The following COL4A1 variants were observed in gnomAD, a reference collection of about 807,000 sequenced individuals.
The protein encoded by COL4A1 is collagen alpha-1(IV) chain.
A neutral mutation model predicts 216.6 loss-of-function variants in COL4A1; 40 were observed. That is an observed-to-expected ratio of 0.18 (90% CI 0.14 to 0.24). The LOEUF (loss-of-function observed/expected upper bound fraction) is 0.24, where lower values mean the gene tolerates loss of function less well. COL4A1 is among the 10% of genes least tolerant of loss of function. The probability of loss-of-function intolerance (pLI) is 1.00; values close to 1 mark genes in which losing one functional copy is unlikely to be tolerated. For synonymous variants in COL4A1, 839 were observed against 810.7 expected, an observed-to-expected ratio of 1.03 and a Z score of -0.59; for missense variants, 1,628 against 2,196.8, an observed-to-expected ratio of 0.74 and a Z score of 5.18.
chr13:110,219,934 ATG>A (rs1191138724), intron 2 of COL4A1, among the ~76,000 whole-genome samples: 1 of 109,872 alleles, frequency 9.1e-6, no homozygotes. Flanking sequence ...ATGTATGTAT[ATG>A]TGTGTGTATA....
chr13:110,248,762 G>A (rs1305339443), intron 1 of COL4A1, among the ~76,000 whole-genome samples: 1 of 152,084 alleles, frequency 6.6e-6, no homozygotes, highest in African/African-American at 2.4e-5. Flanking sequence ...CAAAACGCTG[G>A]GATTACAGGT....
At chr13:110,222,443 A>T (rs1272466304) in intron 2 of COL4A1, among the ~76,000 whole-genome samples, 1 of 152,080 alleles carries the variant, frequency 6.6e-6, no homozygotes, top group Non-Finnish European at 1.5e-5. Context: ...ATTTTCCCCC[A>T]AATAAACTAA....
chr13:110,190,179 G>C (rs1046467148), intron 24 of COL4A1, among the ~76,000 whole-genome samples: 4 of 151,884 alleles, frequency 2.6e-5, no homozygotes, highest in Non-Finnish European at 5.9e-5. Context: ...TTAAAACAGT[G>C]ACATTGGTGA....
At chr13:110,170,805 A>G (rs1877606495) in intron 41 of COL4A1, 73 bp from the exon 42 acceptor site, 3 of 1,528,618 alleles carry the variant, frequency 2.0e-6, no homozygotes, top group South Asian at 2.3e-5. Flanking sequence ...TGGACGGCAG[A>G]GATGGGATGA....
At chr13:110,263,540 A>G (rs1044081451) in intron 1 of COL4A1, among the ~76,000 whole-genome samples, 2 of 152,138 alleles carry the variant, frequency 1.3e-5, no homozygotes, top group African/African-American at 2.4e-5. Context: ...TGCAACCTCA[A>G]ACTCCTGGAC....
intron 2 of COL4A1, among the ~76,000 whole-genome samples, chr13:110,229,126 G>T (rs578105276): frequency 6.6e-6 from 1 of 152,312 alleles, no homozygotes; most frequent in African/African-American, 2.4e-5. Flanking sequence ...CGAAAACATA[G>T]CTGACACTGA....
At chr13:110,175,182 G>A (rs367903218) in intron 37 of COL4A1, 36 bp downstream of exon 37, 9 of 1,613,294 alleles carry the variant, frequency 5.6e-6, no homozygotes, top group South Asian at 3.3e-5. Context: ...CACTGAGCTG[G>A]GAGAAGGGGA....
intron 1 of COL4A1, among the ~76,000 whole-genome samples, chr13:110,287,994 C>A (rs996361519): frequency 6.6e-6 from 1 of 151,112 alleles, no homozygotes; most frequent in Non-Finnish European, 1.5e-5. Flanking sequence ...CGGTGGCTCA[C>A]GCCTGTAATC....
intron 29 of COL4A1, 130 bp from the exon 30 acceptor site, chr13:110,179,551 T>C (rs1381120702): frequency 2.2e-6 from 3 of 1,340,168 alleles, no homozygotes; most frequent in Admixed American, 1.9e-5. Context: ...TGCTCAACCC[T>C]TTTCAAGCGT....
At chr13:110,278,660 T>A (rs944301977) in intron 1 of COL4A1, among the ~76,000 whole-genome samples, 6 of 152,206 alleles carry the variant, frequency 3.9e-5, no homozygotes, top group African/African-American at 1.4e-4. Flanking sequence ...AGTAAATGCT[T>A]AACAAATATG....
rs750620293 is a variant in COL4A1, at chr13:110,179,282, T to C, written c.2333A>G (p.Gln778Arg). The C allele has an allele frequency of 2.9e-5, 46 of 1,613,992 alleles. No individual in the cohort carries two copies. The highest frequency in any genetic ancestry group is 3.6e-5 in the Non-Finnish European group (43 of 1,180,016). Residue 778 changes from glutamine (Q) to arginine (R), a missense_variant, in exon 30 of 52, where the codon CAG becomes CGG. By Grantham distance (43) the Gln-to-Arg change is conservative. Transcript: ENST00000375820. ...CTGCATGAAGTTACCTCTGATCCCC[T>C]GAAGCCCAGGGGGTCCGATCGCTCC... The part of the protein sequence containing the change: ...EHGAIGPPGL[Q>R]GIRGEPGPPG...
chr13:110,289,795 G>A (rs572321835), intron 1 of COL4A1, among the ~76,000 whole-genome samples: 4 of 152,164 alleles, frequency 2.6e-5, no homozygotes, highest in East Asian at 1.9e-4. Flanking sequence ...GAGATGCTCC[G>A]GATCCCAGGC....
chr13:110,225,905 T>G (rs616468), intron 2 of COL4A1, among the ~76,000 whole-genome samples: 55,894 of 151,802 alleles, frequency 0.37, 10,450 homozygotes, highest in Non-Finnish European at 0.39. Context: ...CACCTGCCTG[T>G]TTTACCTGGC....
At chr13:110,281,218 T>A (rs183332093) in intron 1 of COL4A1, among the ~76,000 whole-genome samples, 2 of 152,300 alleles carry the variant, frequency 1.3e-5, no homozygotes, top group African/African-American at 4.8e-5. Flanking sequence ...CACTGTTCTG[T>A]GATGACACGA....
chr13:110,169,497 AAC>A lies in COL4A1; in HGVS notation c.3876+130_3876+131del, dbSNP rs3832901. The A allele has an allele frequency of 6.8e-3, 7,995 of 1,180,692 alleles. 12 individuals are homozygous for A. In the East Asian group the frequency reaches 0.082, roughly 12 times the overall value. 73.1% of individuals were successfully genotyped at this position (1,180,692 alleles called of 1,614,324 possible). A position where few individuals can be genotyped will look rare whatever the true frequency, so the allele number is the denominator to read the frequency against. The stretch of plus-strand genomic sequence containing the variant: ...TGATTTAGTGGGGATGTGGGAGTGT[AAC>A]ACACACACACACACACACACACACA... On this transcript the variant is annotated intron_variant, in intron 43 of 51. Transcript: ENST00000375820.
At chr13:110,275,828 G>A (rs1244726648) in intron 1 of COL4A1, among the ~76,000 whole-genome samples, 2 of 152,140 alleles carry the variant, frequency 1.3e-5, no homozygotes, top group African/African-American at 4.8e-5. Context: ...CCAACTATAA[G>A]ACAACTATAA....
intron 2 of COL4A1, among the ~76,000 whole-genome samples, chr13:110,227,361 AT>A (rs1880780037): frequency 6.6e-6 from 1 of 151,284 alleles, no homozygotes; most frequent in Non-Finnish European, 1.5e-5. Flanking sequence ...CAATTGGGCG[AT>A]AGATGACCAA....
intron 23 of COL4A1, among the ~76,000 whole-genome samples, chr13:110,192,572 C>T (rs1167742612): frequency 1.3e-5 from 2 of 152,106 alleles, no homozygotes; most frequent in African/African-American, 4.8e-5. Context: ...CCATTAACTG[C>T]TTGTGAGATA....
intron 1 of COL4A1, among the ~76,000 whole-genome samples, chr13:110,271,521 T>C (rs371240717): frequency 2.0e-5 from 3 of 152,288 alleles, no homozygotes; most frequent in African/African-American, 7.2e-5. Context: ...GATTTAGTCA[T>C]GAAACATCAG....
Sources: gnomAD v4.1 joint callset for allele counts (sites outside exome capture counted in the v4.1 genomes callset) on GRCh38, gnomAD v4.1.1 for gene constraint, MANE v1.5 for transcripts, NCBI Gene and HGNC (gene_info 2026-07-23, HGNC 2026-07-21) for gene names.